GALNT2: variants seen among roughly 807,000 people sequenced by gnomAD.
GALNT2 encodes the protein polypeptide N-acetylgalactosaminyltransferase 2.
In GALNT2, 31 loss-of-function variants were observed where a neutral mutation model predicts 81.4. The ratio of observed to expected loss-of-function variants is 0.38; its 90% CI spans 0.29 to 0.51. GALNT2 has a LOEUF of 0.51. Ranked by LOEUF, GALNT2 falls within the 20% of genes least tolerant of loss-of-function variation. The pLI, the probability that GALNT2 is intolerant of heterozygous loss-of-function variation, is 0.87. For missense variants in GALNT2, 629 were observed against 765.7 expected, an observed-to-expected ratio of 0.82 and a Z score of 2.11; for synonymous variants, 303 against 287.4, an observed-to-expected ratio of 1.05 and a Z score of -0.55.
chr1:230,126,057 C>T (rs1299562827), intron 1 of GALNT2, among the ~76,000 whole-genome samples: 2 of 152,342 alleles, frequency 1.3e-5, no homozygotes, highest in South Asian at 4.1e-4. Context: ...TGGGCTACAG[C>T]CAAAGAGGAG....
intron 3 of GALNT2, among the ~76,000 whole-genome samples, chr1:230,233,560 C>T (rs887361417): frequency 1.3e-5 from 2 of 152,128 alleles, no homozygotes; most frequent in Non-Finnish European, 2.9e-5. Context: ...TTGCAATGAT[C>T]CGAGATTGTG....
intron 1 of GALNT2, among the ~76,000 whole-genome samples, chr1:230,176,010 G>C (rs1192316227): frequency 6.6e-6 from 1 of 152,080 alleles, no homozygotes; most frequent in Non-Finnish European, 1.5e-5. Context: ...AATGAGAGAG[G>C]GTCAATGCAC....
chr1:230,237,967 T>G (rs554130984), intron 6 of GALNT2, among the ~76,000 whole-genome samples: 1 of 152,336 alleles, frequency 6.6e-6, no homozygotes, highest in Non-Finnish European at 1.5e-5. Flanking sequence ...GAACAATGCT[T>G]CTCAGTATTA....
intron 2 of GALNT2, among the ~76,000 whole-genome samples, chr1:230,189,685 G>A (rs964906042): frequency 1.3e-5 from 2 of 152,192 alleles, no homozygotes; most frequent in South Asian, 2.1e-4. Context: ...CATTTTAAGC[G>A]TTGTTAAGCA....
chr1:230,132,163 T>G (rs547088592), intron 1 of GALNT2, among the ~76,000 whole-genome samples: 3 of 152,298 alleles, frequency 2.0e-5, no homozygotes, highest in African/African-American at 7.2e-5. Flanking sequence ...ATCCCTTCAA[T>G]CAGTCTCGTA....
intron 1 of GALNT2, among the ~76,000 whole-genome samples, chr1:230,129,990 C>T (rs972507639): frequency 4.6e-5 from 7 of 152,232 alleles, no homozygotes; most frequent in Non-Finnish European, 7.3e-5. Context: ...GGCACAATTG[C>T]AGGATTACTG....
chr1:230,265,193 C>A, intron 13 of GALNT2, 48 bp from the exon 14 acceptor site: 2 of 1,612,136 alleles, frequency 1.2e-6, no homozygotes, highest in Non-Finnish European at 1.7e-6. Flanking sequence ...TGGACGGGAG[C>A]TGGTGGTCAT....
At chr1:230,238,634 A>G (rs1012150058) in intron 6 of GALNT2, among the ~76,000 whole-genome samples, 3 of 152,174 alleles carry the variant, frequency 2.0e-5, no homozygotes, top group Non-Finnish European at 1.5e-5. Flanking sequence ...GTCAAGTGGT[A>G]TTTCTTTTTT....
chr1:230,183,823 C>T (rs1663233212), intron 2 of GALNT2, among the ~76,000 whole-genome samples: 1 of 152,018 alleles, frequency 6.6e-6, no homozygotes, highest in Non-Finnish European at 1.5e-5. Context: ...ACAAAAAATA[C>T]AAAAATTAGC....
At chr1:230,091,132 G>T (rs566751757) in intron 1 of GALNT2, among the ~76,000 whole-genome samples, 1 of 151,704 alleles carries the variant, frequency 6.6e-6, no homozygotes, top group Non-Finnish European at 1.5e-5. Context: ...ACAGTGGCAC[G>T]ATCTCAGCTC....
chr1:230,111,740 G>C (rs1450060868), intron 1 of GALNT2, among the ~76,000 whole-genome samples: 3 of 152,082 alleles, frequency 2.0e-5, no homozygotes, highest in Non-Finnish European at 4.4e-5. Context: ...TGGTTCACTC[G>C]GGAAATTTTT....
At chr1:230,237,269 G>A (rs1665061439) in intron 6 of GALNT2, among the ~76,000 whole-genome samples, 1 of 152,224 alleles carries the variant, frequency 6.6e-6, no homozygotes, top group South Asian at 2.1e-4. Context: ...AAGAGAGGCT[G>A]TAAAGGAGGA....
intron 1 of GALNT2, among the ~76,000 whole-genome samples, chr1:230,085,438 CTATT>C (rs1307913434): frequency 1.3e-5 from 2 of 152,190 alleles, no homozygotes; most frequent in African/African-American, 4.8e-5. Context: ...GGTGGAAACT[CTATT>C]TATAAACCAC....
Position 230,262,974 on chromosome 1 carries a change from T to C in GALNT2, c.1282T>C (p.Trp428Arg). The change falls in exon 13 of 16, where the codon TGG (tryptophan) becomes CGG (arginine). Residue 428 changes from tryptophan to arginine, a missense_variant. Trp to Arg is a moderately radical substitution (Grantham distance 101). Coordinates refer to ENST00000366672, the MANE Select transcript of GALNT2 (RefSeq NM_004481.5). ...RKKLSCKPFK[W>R]YLENVYPELR... ...GAAACTCAGCTGCAAGCCTTTCAAA[T>C]GGTACCTTGAAAATGTCTATCCAGA... 1 of 1,614,144 alleles carries C rather than the reference T, an allele frequency of 6.2e-7. No homozygotes were observed. Among genetic ancestry groups the C allele is most frequent in the Non-Finnish European group, 8.5e-7 (1 of 1,179,954 alleles).
chr1:230,062,267 A>G (rs944437648), upstream of GALNT2, among the ~76,000 whole-genome samples: 1 of 152,166 alleles, frequency 6.6e-6, no homozygotes, highest in Non-Finnish European at 1.5e-5. Flanking sequence ...GTTTTTCCTT[A>G]ATGTTAAGTA....
intron 1 of GALNT2, among the ~76,000 whole-genome samples, chr1:230,125,381 C>T (rs1030201206): frequency 3.9e-5 from 6 of 152,154 alleles, no homozygotes; most frequent in Admixed American, 1.3e-4. Context: ...AGTTTCCTAG[C>T]GACCCCTCCC....
intron 2 of GALNT2, among the ~76,000 whole-genome samples, chr1:230,199,154 T>G (rs1011712144): frequency 6.6e-6 from 1 of 152,186 alleles, no homozygotes; most frequent in Non-Finnish European, 1.5e-5. Context: ...AGATGATGTA[T>G]GGATGACATG....
rs143280979 is a variant in GALNT2 at position 230,275,909 on chromosome 1, CAT to C, written c.1560+1347_1560+1348del. ...TACATATATAAACACCACATATATA[CAT>C]AGACACCACAGATACATACATATAT... On this transcript the variant is annotated intron_variant, in intron 15 of 15. Coordinates refer to ENST00000366672, the MANE Select transcript of GALNT2 (RefSeq NM_004481.5). The surrounding 1 kb of genome is among the most constrained non-coding windows in gnomAD (Gnocchi z 5.5). 0.04 allele frequency among the ~76,000 whole-genome samples: 5,936 copies of C among 149,522 alleles called. 183 individuals carry two copies. Among genetic ancestry groups the C allele is most frequent in the Middle Eastern group, 0.068 (19 of 278 alleles).
intron 10 of GALNT2, among the ~76,000 whole-genome samples, chr1:230,252,130 G>C (rs2102749935): frequency 6.6e-6 from 1 of 152,292 alleles, no homozygotes; most frequent in South Asian, 2.1e-4. Context: ...GGGCTCAAGA[G>C]CTTCACGTGA....
Sources: gnomAD v4.1 joint callset for allele counts (sites outside exome capture counted in the v4.1 genomes callset) on GRCh38, gnomAD v4.1.1 for gene constraint, Gnocchi (gnomAD v3.1) non-coding constraint, MANE v1.5 for transcripts, NCBI Gene and HGNC (gene_info 2026-07-23, HGNC 2026-07-21) for gene names.